The following ABI2 variants were observed in gnomAD, a reference collection of about 807,000 sequenced individuals.
The protein encoded by ABI2 is abelson interactor 2.
Under a neutral mutation model 59.2 loss-of-function variants are expected in ABI2, and 25 were observed. The observed-to-expected ratio is 0.42, with a 90% CI of 0.31 to 0.59. The LOEUF is 0.59. Ranked by LOEUF, ABI2 falls within the 20% of genes least tolerant of loss-of-function variation. The probability of loss-of-function intolerance (pLI) is 0.14; values close to 1 mark genes in which losing one functional copy is unlikely to be tolerated. For missense variants in ABI2, 545 were observed against 681.8 expected, an observed-to-expected ratio of 0.80 and a Z score of 2.23; for synonymous variants, 213 against 235.5, an observed-to-expected ratio of 0.90 and a Z score of 0.87.
intron 9 of ABI2, among the ~76,000 whole-genome samples, chr2:203,409,557 A>G (rs1408053835): frequency 1.3e-5 from 2 of 152,154 alleles, no homozygotes; most frequent in Non-Finnish European, 2.9e-5. Context: ...CTCCATCTTC[A>G]TAGTTACGAA....
chr2:203,382,348 C>T (rs867100195), intron 4 of ABI2, 142 bp downstream of exon 4: 7 of 745,188 alleles, frequency 9.4e-6, no homozygotes, highest in Middle Eastern at 3.4e-4. Flanking sequence ...TGTCATGCAA[C>T]TTTGTGGTGT....
chr2:203,428,289 C>G lies in ABI2; in HGVS notation c.*937C>G, dbSNP rs1045533872. ...TCAGACCAACTATGACTATCATTTC[C>G]TTCACTATCTAGAAAAACGCTATTC... is the stretch of plus-strand genomic sequence containing the variant. On this transcript the variant is annotated 3_prime_UTR_variant, in exon 12 of 12. Transcript: ENST00000261018. 3.3e-5 allele frequency: 5 copies of G among 152,584 alleles called. No homozygotes were observed. Among genetic ancestry groups the G allele is most frequent in the African/African-American group, 1.2e-4 (5 of 41,436 alleles). The allele number at this position is 152,584 out of a possible 1,614,324, so 9.5% of individuals were successfully genotyped here. A position where few individuals can be genotyped will look rare whatever the true frequency, so the allele number is the denominator to read the frequency against.
At chr2:203,392,651 G>A (rs2096806443) in intron 5 of ABI2, among the ~76,000 whole-genome samples, 1 of 152,120 alleles carries the variant, frequency 6.6e-6, no homozygotes, top group Non-Finnish European at 1.5e-5. Context: ...GAGGAACTCT[G>A]TTTTTATTTT....
chr2:203,394,657 A>G (rs1018079015), intron 5 of ABI2, 43 bp from the exon 6 acceptor site: 4 of 1,576,402 alleles, frequency 2.5e-6, no homozygotes, highest in Non-Finnish European at 3.5e-6. Context: ...TATTGTGCCG[A>G]AACTTGCTTA....
intron 1 of ABI2, among the ~76,000 whole-genome samples, chr2:203,359,017 A>C (rs780554464): frequency 2.5e-4 from 38 of 152,184 alleles, no homozygotes; most frequent in Non-Finnish European, 4.7e-4. Context: ...GTCTCAAAAA[A>C]ACAAAAAACA....
intron 2 of ABI2, among the ~76,000 whole-genome samples, chr2:203,371,055 CTTCTTTGAACTTA>C (rs1028571117): frequency 6.6e-6 from 1 of 152,180 alleles, no homozygotes; most frequent in Non-Finnish European, 1.5e-5. Context: ...TGACATTTGA[CTTCTTTGAACTTA>C]GGTTTTTTCA....
chr2:203,388,165 G>A lies in ABI2; in HGVS notation c.481-2881G>A, dbSNP rs574058310. 5.3e-5 allele frequency among the ~76,000 whole-genome samples: 8 copies of A among 152,104 alleles called. No homozygotes were observed. The South Asian group carries it at 1.0e-3, about 20-fold the overall frequency. Reference sequence around the variant, plus strand: ...CATAGCATATTTATTGTTTTACTTAGCGTAGAAACATTTTTCACACGGGAA... The same window carrying A: ...CATAGCATATTTATTGTTTTACTTAACGTAGAAACATTTTTCACACGGGAA... On this transcript the variant is annotated intron_variant, in intron 4 of 11. Coordinates refer to ENST00000261018, the MANE Select transcript of ABI2 (RefSeq NM_001375670.1).
At chr2:203,414,920 T>G (rs2097830573) in intron 10 of ABI2, among the ~76,000 whole-genome samples, 1 of 152,212 alleles carries the variant, frequency 6.6e-6, no homozygotes, top group Non-Finnish European at 1.5e-5. Flanking sequence ...TGGAACATTT[T>G]AAGTCAAAAG....
intron 11 of ABI2, among the ~76,000 whole-genome samples, chr2:203,421,564 G>GT: frequency 6.6e-6 from 1 of 152,204 alleles, no homozygotes; most frequent in Middle Eastern, 3.4e-3. Context: ...GCACCACTGT[G>GT]CTTTTTTTAA....
intron 10 of ABI2, among the ~76,000 whole-genome samples, chr2:203,414,433 T>C (rs1217887471): frequency 6.6e-6 from 1 of 152,090 alleles, no homozygotes; most frequent in African/African-American, 2.4e-5. Context: ...ACATGAAATA[T>C]CAATGCCTCT....
At chr2:203,347,180 A>G (rs1390157996) in intron 1 of ABI2, among the ~76,000 whole-genome samples, 1 of 152,214 alleles carries the variant, frequency 6.6e-6, no homozygotes, top group African/African-American at 2.4e-5. Context: ...TCATATAGAA[A>G]GCAAGGAAGT....
chr2:203,359,662 A>G (rs1308636492), intron 1 of ABI2, among the ~76,000 whole-genome samples: 1 of 152,090 alleles, frequency 6.6e-6, no homozygotes, highest in Non-Finnish European at 1.5e-5. Flanking sequence ...TCTGTTGATG[A>G]CCTGTTCCTC....
chr2:203,352,569 GA>G (rs141657311), intron 1 of ABI2, among the ~76,000 whole-genome samples: 24,204 of 144,180 alleles, frequency 0.17, 2,323 homozygotes, highest in East Asian at 0.52. Context: ...AAAAGTTAAA[GA>G]AAAAAAAAAT....
At chr2:203,359,661 G>C (rs572231393) in intron 1 of ABI2, among the ~76,000 whole-genome samples, 1 of 152,258 alleles carries the variant, frequency 6.6e-6, no homozygotes, top group East Asian at 1.9e-4. Context: ...GTCTGTTGAT[G>C]ACCTGTTCCT....
intron 1 of ABI2, among the ~76,000 whole-genome samples, chr2:203,349,149 G>A (rs907696065): frequency 6.6e-5 from 10 of 150,688 alleles, no homozygotes; most frequent in African/African-American, 2.4e-4. Flanking sequence ...GCCTTGTTGC[G>A]CAAGCTGGTC....
At chr2:203,367,861 A>T (rs2094612165) in intron 2 of ABI2, among the ~76,000 whole-genome samples, 1 of 151,720 alleles carries the variant, frequency 6.6e-6, no homozygotes, top group Non-Finnish European at 1.5e-5. Context: ...AAAATTAGCC[A>T]GGTTTGGTGG....
intron 2 of ABI2, among the ~76,000 whole-genome samples, chr2:203,379,388 C>T (rs541486685): frequency 1.3e-5 from 2 of 152,222 alleles, no homozygotes; most frequent in South Asian, 2.1e-4. Context: ...GCTGGGATTA[C>T]AGGCATGTGC....
At chr2:203,356,782 T>C (rs942924578) in intron 1 of ABI2, among the ~76,000 whole-genome samples, 5 of 152,170 alleles carry the variant, frequency 3.3e-5, no homozygotes, top group Admixed American at 2.0e-4. Context: ...ATTATAGGCA[T>C]GAACTACCAC....
At chr2:203,401,669 A>G (rs1039956428) in intron 8 of ABI2, among the ~76,000 whole-genome samples, 2 of 152,164 alleles carry the variant, frequency 1.3e-5, no homozygotes, top group African/African-American at 4.8e-5. Context: ...AATTTTTTTC[A>G]TGATTGTAAA....
Sources: gnomAD v4.1 joint callset for allele counts (sites outside exome capture counted in the v4.1 genomes callset) on GRCh38, gnomAD v4.1.1 for gene constraint, MANE v1.5 for transcripts, NCBI Gene and HGNC (gene_info 2026-07-23, HGNC 2026-07-21) for gene names.